RMDN2: variants seen among roughly 807,000 people sequenced by gnomAD.
RMDN2 encodes the protein regulator of microtubule dynamics 2.
Under a neutral mutation model 52.8 loss-of-function variants are expected in RMDN2, and 61 were observed. The observed-to-expected ratio is 1.16, with a 90% CI of 0.94 to 1.43. The LOEUF is 1.43. Among genes scored for constraint, RMDN2 ranks in the 40% most tolerant of loss-of-function variants. The probability of loss-of-function intolerance (pLI) is 0.00; values close to 1 mark genes in which losing one functional copy is unlikely to be tolerated. For synonymous variants in RMDN2, 180 were observed against 153.1 expected, an observed-to-expected ratio of 1.18 and a Z score of -1.30; for missense variants, 592 against 475.3, an observed-to-expected ratio of 1.25 and a Z score of -2.28.
At chr2:38,027,560 C>G (rs1189811089) in intron 10 of RMDN2, among the ~76,000 whole-genome samples, 2 of 152,058 alleles carry the variant, frequency 1.3e-5, no homozygotes, top group African/African-American at 4.8e-5. Context: ...AATGCTTCCA[C>G]TCGATAAAAT....
chr2:38,008,254 G>C (rs557852211), intron 10 of RMDN2, among the ~76,000 whole-genome samples: 1 of 152,034 alleles, frequency 6.6e-6, no homozygotes, highest in Non-Finnish European at 1.5e-5. Flanking sequence ...CAATTCCTGG[G>C]TATCCTTGTT....
chr2:37,960,905 C>T (rs895323304), intron 2 of RMDN2, among the ~76,000 whole-genome samples: 3 of 152,192 alleles, frequency 2.0e-5, no homozygotes, highest in Admixed American at 1.3e-4. Context: ...AATCCCTCAG[C>T]ACTTGCTTGT....
intron 10 of RMDN2, among the ~76,000 whole-genome samples, chr2:38,051,532 G>T (rs1437053422): frequency 2.0e-5 from 3 of 152,056 alleles, no homozygotes; most frequent in Non-Finnish European, 2.9e-5. Flanking sequence ...ATTTCTTTGT[G>T]TTTGGAACAT....
intron 10 of RMDN2, among the ~76,000 whole-genome samples, chr2:38,065,145 G>A (rs1050939706): frequency 8.5e-5 from 13 of 152,148 alleles, no homozygotes; most frequent in African/African-American, 2.9e-4. Context: ...TAAGTACCAT[G>A]GAATACTAGG....
At chr2:37,963,753 C>T (rs1369600160) in intron 2 of RMDN2, among the ~76,000 whole-genome samples, 2 of 152,214 alleles carry the variant, frequency 1.3e-5, no homozygotes, top group Non-Finnish European at 2.9e-5. Flanking sequence ...ATTTCTCTAT[C>T]TTTTCCCCAC....
intron 2 of RMDN2, among the ~76,000 whole-genome samples, chr2:37,967,151 G>A (rs1444154632): frequency 6.6e-6 from 1 of 152,108 alleles, no homozygotes; most frequent in African/African-American, 2.4e-5. Flanking sequence ...AATTTTGTTT[G>A]TGTCCTCTAA....
At chr2:38,049,679 C>T (rs928739547) in intron 10 of RMDN2, among the ~76,000 whole-genome samples, 6 of 152,122 alleles carry the variant, frequency 3.9e-5, no homozygotes, top group African/African-American at 1.2e-4. Flanking sequence ...CTCAAGCAAT[C>T]CTCCTGTTTC....
intron 10 of RMDN2, chr2:38,029,446 C>T (rs1057355282): frequency 4.6e-5 from 7 of 151,936 alleles, no homozygotes; most frequent in Admixed American, 6.5e-5. Context: ...TTTGCATCTT[C>T]GTTTAGTTTG....
At chr2:37,963,737 A>C (rs1463133607) in intron 2 of RMDN2, among the ~76,000 whole-genome samples, 19 of 151,878 alleles carry the variant, frequency 1.3e-4, no homozygotes, top group African/African-American at 1.9e-4. Flanking sequence ...ACACAGCAAC[A>C]ATCTGATTTC....
intron 2 of RMDN2, among the ~76,000 whole-genome samples, chr2:37,959,752 T>G (rs1323887585): frequency 2.0e-5 from 3 of 150,932 alleles, no homozygotes; most frequent in Non-Finnish European, 4.4e-5. Context: ...AGGGTGTCAA[T>G]TTTAGATCTT....
At chr2:38,007,189 G>A (rs904605826) in intron 10 of RMDN2, among the ~76,000 whole-genome samples, 2 of 152,168 alleles carry the variant, frequency 1.3e-5, no homozygotes, top group African/African-American at 4.8e-5. Context: ...ATCTCTGCCA[G>A]GCTTTGGTAT....
At chr2:38,036,795 G>A (rs1232919641) in intron 10 of RMDN2, 1 of 152,238 alleles carries the variant, frequency 6.6e-6, no homozygotes, top group African/African-American at 2.4e-5. Context: ...GGAGAAAACA[G>A]AGCCAGAGAT....
At chr2:38,052,091 T>C (rs1317292892) in intron 10 of RMDN2, among the ~76,000 whole-genome samples, 1 of 152,238 alleles carries the variant, frequency 6.6e-6, no homozygotes, top group Admixed American at 6.5e-5. Flanking sequence ...GAGAAATCTC[T>C]ACACTGTTTT....
intron 2 of RMDN2, among the ~76,000 whole-genome samples, chr2:37,955,818 A>G (rs1394987717): frequency 6.6e-6 from 1 of 152,140 alleles, no homozygotes; most frequent in Non-Finnish European, 1.5e-5. Context: ...TGTCTTTGTC[A>G]GCAGCATAAA....
chr2:37,928,314 C>T (rs116376259), intron 1 of RMDN2, among the ~76,000 whole-genome samples: 26 of 152,272 alleles, frequency 1.7e-4, no homozygotes, highest in African/African-American at 6.3e-4. Context: ...AGGGCATTTG[C>T]GAGCCCAGAA....
intron 10 of RMDN2, among the ~76,000 whole-genome samples, chr2:38,010,069 GA>G (rs1404520557): frequency 1.3e-5 from 2 of 152,172 alleles, no homozygotes; most frequent in Non-Finnish European, 2.9e-5. Context: ...CGTTCCTCTG[GA>G]AGTTTTGTCT....
At chr2:37,950,638 T>C (rs369974476) in intron 2 of RMDN2, 22 of 1,597,448 alleles carry the variant, frequency 1.4e-5, no homozygotes, top group Non-Finnish European at 1.9e-5. Flanking sequence ...AAAAGAACAT[T>C]GAAAATATTC....
At chr2:37,995,819 A>T (rs916135233) in intron 7 of RMDN2, among the ~76,000 whole-genome samples, 6 of 152,234 alleles carry the variant, frequency 3.9e-5, no homozygotes, top group African/African-American at 1.4e-4. Context: ...CTAAAAATTT[A>T]AAAAACAAAA....
chr2:37,969,651 TATA>T (rs1487499465), intron 2 of RMDN2, among the ~76,000 whole-genome samples: 1 of 152,016 alleles, frequency 6.6e-6, no homozygotes, highest in African/African-American at 2.4e-5. Context: ...TTCCAATTAT[TATA>T]ATTTTTGTTT....
Sources: allele counts gnomAD v4.1 joint callset (sites outside exome capture counted in the v4.1 genomes callset), GRCh38; gene constraint gnomAD v4.1.1; transcripts MANE v1.5; gene names NCBI Gene and HGNC (gene_info 2026-07-23, HGNC 2026-07-21).